LOC128706666: variants seen among roughly 807,000 people sequenced by gnomAD.
At chr20:10,418,394 C>T in the LOC128706666 span, among the ~76,000 whole-genome samples, 26 of 152,202 alleles carry the variant, frequency 1.7e-4, no homozygotes, top group Admixed American at 5.9e-4. Flanking sequence ...TATCTTGAGG[C>T]ATGTATGTAA....
chr20:10,420,202 A>T, the LOC128706666 span, among the ~76,000 whole-genome samples: 4 of 152,294 alleles, frequency 2.6e-5, no homozygotes, highest in South Asian at 8.3e-4. Context: ...AATAGAAGAA[A>T]ATAATCTTGT....
the LOC128706666 span, chr20:10,413,830 T>G: frequency 4.2e-6 from 2 of 471,544 alleles, no homozygotes; most frequent in Admixed American, 7.4e-5. Context: ...TGGACACCTA[T>G]GAAAGATATC....
chr20:10,424,307 G>C, the LOC128706666 span, among the ~76,000 whole-genome samples: 6 of 151,996 alleles, frequency 3.9e-5, no homozygotes, highest in Non-Finnish European at 7.4e-5. Context: ...TGTTACCCCA[G>C]CACTCTAGGA....
the LOC128706666 span, among the ~76,000 whole-genome samples, chr20:10,430,409 C>T: frequency 7.9e-6 from 1 of 127,256 alleles, no homozygotes; most frequent in African/African-American, 2.6e-5. Flanking sequence ...GCAGTTATCA[C>T]AATACTTGGC....
the LOC128706666 span, among the ~76,000 whole-genome samples, chr20:10,422,854 G>A: frequency 7.9e-5 from 12 of 151,974 alleles, no homozygotes; most frequent in South Asian, 2.1e-4. Flanking sequence ...TGGGACTACA[G>A]GTGCCCGCCA....
the LOC128706666 span, among the ~76,000 whole-genome samples, chr20:10,418,917 A>C: frequency 6.6e-6 from 1 of 152,088 alleles, no homozygotes. Context: ...TATAAATACA[A>C]ATTTTATATA....
chr20:10,414,175 G>A, the LOC128706666 span, among the ~76,000 whole-genome samples: 1 of 151,890 alleles, frequency 6.6e-6, no homozygotes, highest in Non-Finnish European at 1.5e-5. Context: ...CAACAACATG[G>A]CTAGAAAGCT....
At chr20:10,427,704 C>T in the LOC128706666 span, among the ~76,000 whole-genome samples, 249 of 152,296 alleles carry the variant, frequency 1.6e-3, 8 homozygotes, top group Middle Eastern at 0.01. Flanking sequence ...ACAGAACAAT[C>T]GTTTTCCTTT....
At chr20:10,420,889 A>G in the LOC128706666 span, 1 of 152,210 alleles carries the variant, frequency 6.6e-6, no homozygotes, top group African/African-American at 2.4e-5. Context: ...TTTAAATTAT[A>G]ATACATTGCA....
chr20:10,415,056 T>C, the LOC128706666 span, among the ~76,000 whole-genome samples: 21 of 152,322 alleles, frequency 1.4e-4, no homozygotes, highest in South Asian at 4.3e-3. Flanking sequence ...AAAGGACATG[T>C]AGAAATACAA....
chr20:10,432,789 C>CAAAAAAAAAAAA, the LOC128706666 span, among the ~76,000 whole-genome samples: 3 of 74,588 alleles, frequency 4.0e-5, no homozygotes, highest in Non-Finnish European at 7.4e-5. Context: ...GACTCTTTGT[C>CAAAAAAAAAAAA]AAAAAAAAAA....
the LOC128706666 span, among the ~76,000 whole-genome samples, chr20:10,426,592 T>C: frequency 6.6e-6 from 1 of 152,082 alleles, no homozygotes. Flanking sequence ...AGAGACGGGG[T>C]TTCACCATGT....
the LOC128706666 span, among the ~76,000 whole-genome samples, chr20:10,430,474 GA>G: frequency 1.3e-5 from 2 of 151,856 alleles, no homozygotes; most frequent in Admixed American, 1.3e-4. Context: ...ATGTCAAAAA[GA>G]AAAAAAACAT....
chr20:10,427,666 T>C, the LOC128706666 span, among the ~76,000 whole-genome samples: 1 of 152,278 alleles, frequency 6.6e-6, no homozygotes, highest in Non-Finnish European at 1.5e-5. Context: ...GGTCTTCAAC[T>C]GTGCTATGAA....
the LOC128706666 span, among the ~76,000 whole-genome samples, chr20:10,423,022 A>G: frequency 6.6e-6 from 1 of 151,898 alleles, no homozygotes; most frequent in African/African-American, 2.4e-5. Flanking sequence ...TTCAAGTCAC[A>G]TTACTTTTAA....
At chr20:10,430,164 T>C in the LOC128706666 span, among the ~76,000 whole-genome samples, 26 of 152,374 alleles carry the variant, frequency 1.7e-4, no homozygotes, top group African/African-American at 6.0e-4. Context: ...CACTAGGATC[T>C]AGATCCTGCC....
chr20:10,427,063 C>CACACACACACACAA, the LOC128706666 span, among the ~76,000 whole-genome samples: 156 of 145,514 alleles, frequency 1.1e-3, 2 homozygotes, highest in African/African-American at 3.9e-3. Context: ...CACACACACA[C>CACACACACACACAA]ACACACACAC....
At chr20:10,427,493 C>T in the LOC128706666 span, among the ~76,000 whole-genome samples, 2 of 152,072 alleles carry the variant, frequency 1.3e-5, no homozygotes, top group South Asian at 4.2e-4. Flanking sequence ...TTGTACTATG[C>T]CTTTTCTTTT....
chr20:10,426,690 C>T, the LOC128706666 span, among the ~76,000 whole-genome samples: 35 of 152,196 alleles, frequency 2.3e-4, no homozygotes, highest in African/African-American at 6.3e-4. Context: ...GAGCCATGCA[C>T]GCCCCGTGGC....
Sources: gnomAD v4.1 joint callset for allele counts (sites outside exome capture counted in the v4.1 genomes callset) on GRCh38, gnomAD v4.1.1 for gene constraint, MANE v1.5 for transcripts.